TNNI3K: variants seen among roughly 807,000 people sequenced by gnomAD.
TNNI3K encodes TNNI3 interacting kinase.
Under a neutral mutation model 114.5 loss-of-function variants are expected in TNNI3K, and 140 were observed. The ratio of observed to expected loss-of-function variants is 1.22; its 90% CI spans 1.07 to 1.41. The LOEUF (loss-of-function observed/expected upper bound fraction) is 1.41. TNNI3K is among the 40% of genes most tolerant of loss of function. The pLI, the probability that TNNI3K is intolerant of heterozygous loss-of-function variation, is 0.00. For synonymous variants in TNNI3K, 347 were observed against 347.5 expected (o/e 1.00, Z 0.02); for missense variants, 1,125 against 1,007.6 (o/e 1.12, Z -1.58).
chr1:74,246,254 A>G (rs1412196871), intron 2 of TNNI3K, among the ~76,000 whole-genome samples: 2 of 152,246 alleles, frequency 1.3e-5, no homozygotes, highest in African/African-American at 2.4e-5. Flanking sequence ...AAAGCCAAAT[A>G]TATTATGGAT....
At chr1:74,404,689 A>T (rs540865409) in intron 17 of TNNI3K, among the ~76,000 whole-genome samples, 18 of 152,166 alleles carry the variant, frequency 1.2e-4, no homozygotes, top group Non-Finnish European at 2.4e-4. Flanking sequence ...GCCTATGCTG[A>T]TCTCCCAGAC....
At chr1:74,540,854 G>T (rs1646718570) in intron 24 of TNNI3K, among the ~76,000 whole-genome samples, 1 of 152,110 alleles carries the variant, frequency 6.6e-6, no homozygotes, top group Admixed American at 6.6e-5. Context: ...ACAGTTTGAT[G>T]GGAACCATTT....
intron 20 of TNNI3K, among the ~76,000 whole-genome samples, chr1:74,463,022 G>T (rs972610184): frequency 6.6e-6 from 1 of 152,172 alleles, no homozygotes; most frequent in African/African-American, 2.4e-5. Context: ...TATGAGAAGT[G>T]CAAATTTCAG....
At chr1:74,439,286 C>A (rs1337167238) in intron 19 of TNNI3K, 5 of 624,232 alleles carry the variant, frequency 8.0e-6, no homozygotes, top group Non-Finnish European at 9.3e-6. Context: ...CTTTGAGGAA[C>A]TGAACAGCCA....
intron 5 of TNNI3K, among the ~76,000 whole-genome samples, chr1:74,310,955 T>G (rs1658958185): frequency 6.6e-6 from 1 of 152,170 alleles, no homozygotes; most frequent in African/African-American, 2.4e-5. Context: ...CTCACTGTAC[T>G]TTCCTCTCAG....
chr1:74,540,741 A>G (rs939631477), intron 24 of TNNI3K, among the ~76,000 whole-genome samples: 3 of 144,688 alleles, frequency 2.1e-5, no homozygotes, highest in African/African-American at 7.7e-5. Context: ...AATTTTCACA[A>G]TTACCTAATA....
chr1:74,512,929 T>A (rs998585618), intron 23 of TNNI3K, among the ~76,000 whole-genome samples: 1 of 152,200 alleles, frequency 6.6e-6, no homozygotes, highest in Non-Finnish European at 1.5e-5. Context: ...GCCTTTTCTG[T>A]CCCTCATCCG....
chr1:74,446,934 G>C (rs1004604720), intron 20 of TNNI3K, among the ~76,000 whole-genome samples: 4 of 120,614 alleles, frequency 3.3e-5, no homozygotes, highest in East Asian at 2.5e-4. Flanking sequence ...TGCTGTTTTG[G>C]TTACTGTAGC....
At chr1:74,309,176 G>A (rs1658830618) in intron 5 of TNNI3K, among the ~76,000 whole-genome samples, 1 of 150,718 alleles carries the variant, frequency 6.6e-6, no homozygotes, top group African/African-American at 2.4e-5. Flanking sequence ...AGACCATCCT[G>A]GCTAACACGG....
In TNNI3K at chr1:74,369,064, A is replaced by G; in HGVS notation, c.1364A>G (p.His455Arg). ...ILLLRAGLPS[H>R]FHLQLSEIEF... Reference sequence around the variant, plus strand: ...CTCCTAAGAGCTGGATTGCCTTCACATTTCCATCTTCAGCTCTCAGAAATT... The same window carrying G: ...CTCCTAAGAGCTGGATTGCCTTCACGTTTCCATCTTCAGCTCTCAGAAATT... The change falls in exon 14 of 25, where the codon CAT becomes CGT. Residue 455 changes from histidine (H) to arginine (R), a missense_variant. Coordinates refer to ENST00000326637, the MANE Select transcript of TNNI3K (RefSeq NM_015978.3). 6.2e-7 allele frequency: 1 copy of G among 1,610,132 alleles called. No individual in the cohort carries two copies. Among genetic ancestry groups the G allele is most frequent in the Non-Finnish European group, 8.5e-7 (1 of 1,178,278 alleles).
At chr1:74,271,817 T>G in intron 5 of TNNI3K, 109 bp downstream of exon 5, 1 of 906,780 alleles carries the variant, frequency 1.1e-6, no homozygotes, top group Non-Finnish European at 1.6e-6. Flanking sequence ...TTGGTTTATT[T>G]TTTAGCTACT....
At chr1:74,256,777 C>T (rs1472459522) in intron 4 of TNNI3K, among the ~76,000 whole-genome samples, 1 of 151,944 alleles carries the variant, frequency 6.6e-6, no homozygotes, top group East Asian at 1.9e-4. Flanking sequence ...CCATTGTTGC[C>T]ATATACATTG....
intron 23 of TNNI3K, among the ~76,000 whole-genome samples, chr1:74,522,326 A>G (rs1392554747): frequency 6.6e-6 from 1 of 152,148 alleles, no homozygotes; most frequent in African/African-American, 2.4e-5. Flanking sequence ...GCAAATGTGC[A>G]TAAATAAAGG....
intron 20 of TNNI3K, 93 bp from the exon 21 acceptor site, chr1:74,463,348 G>A (rs955245644): frequency 1.1e-5 from 15 of 1,365,050 alleles, no homozygotes; most frequent in East Asian, 6.9e-5. Flanking sequence ...TGCTCAGATT[G>A]ATTTTTAATG....
chr1:74,482,406 G>T (rs1413575388), intron 21 of TNNI3K, among the ~76,000 whole-genome samples: 1 of 152,198 alleles, frequency 6.6e-6, no homozygotes, highest in Non-Finnish European at 1.5e-5. Flanking sequence ...AAAAATAAAT[G>T]TAGTGAAGTC....
intron 4 of TNNI3K, among the ~76,000 whole-genome samples, chr1:74,260,227 A>T (rs1444960675): frequency 1.3e-5 from 2 of 152,180 alleles, no homozygotes; most frequent in Non-Finnish European, 2.9e-5. Context: ...CATATTTCAA[A>T]TGTTGGTCTG....
chr1:74,338,253 G>A (rs1367003740), intron 7 of TNNI3K, among the ~76,000 whole-genome samples: 1 of 151,764 alleles, frequency 6.6e-6, no homozygotes, highest in East Asian at 1.9e-4. Context: ...CTTTTTAATA[G>A]AGTTTGAGTG....
chr1:74,240,434 A>G (rs1654119361), intron 2 of TNNI3K: 1 of 152,330 alleles, frequency 6.6e-6, no homozygotes, highest in African/African-American at 2.4e-5. Context: ...ACCTGGAGAA[A>G]ATGAGGCTAA....
rs1327521716 is a variant in TNNI3K at position 74,463,428 on chromosome 1, A to G, written c.2012-13A>G. 1.2e-6 allele frequency: 2 copies of G among 1,614,062 alleles called. No homozygotes were observed. Among genetic ancestry groups the G allele is most frequent in the Middle Eastern group, 1.6e-4 (1 of 6,062 alleles). ...TGTGAATTTCAAAACTGACATGACC[A>G]TTTGGTTTGCAGCGGCTGCGGCAGC... On this transcript the variant is annotated splice_polypyrimidine_tract_variant and intron_variant, in intron 20 of 24. Transcript: ENST00000326637.
Sources: gnomAD v4.1 joint callset for allele counts (sites outside exome capture counted in the v4.1 genomes callset) on GRCh38, gnomAD v4.1.1 for gene constraint, MANE v1.5 for transcripts, NCBI Gene and HGNC (gene_info 2026-07-23, HGNC 2026-07-21) for gene names.